Variants in DRC11 observed in about 807,000 individuals in gnomAD.
DRC11 encodes the protein IQ and AAA domain-containing protein 1.
At chr2:236,326,792 TTGTGTGTGTGTGTGTGTGTGTG>T in the DRC11 span, among the ~76,000 whole-genome samples, 290 of 144,082 alleles carry the variant, frequency 2.0e-3, 2 homozygotes, top group African/African-American at 6.5e-3. Flanking sequence ...TTCAGATTTG[TTGTGTGTGTGTGTGTGTGTGTG>T]TGTGTGTGTG....
the DRC11 span, among the ~76,000 whole-genome samples, chr2:236,401,198 C>T: frequency 6.6e-6 from 1 of 152,118 alleles, no homozygotes. The surrounding 1 kb of genome is among the most constrained non-coding windows in gnomAD (Gnocchi z 4.6). Context: ...CTTGCCGCCT[C>T]CTGCCTCTGC....
At chr2:236,439,953 C>A in the DRC11 span, among the ~76,000 whole-genome samples, 5 of 152,168 alleles carry the variant, frequency 3.3e-5, no homozygotes, top group African/African-American at 9.7e-5. Flanking sequence ...GCACTCAATT[C>A]TGTGATTTTA....
the DRC11 span, among the ~76,000 whole-genome samples, chr2:236,338,760 C>T: frequency 6.6e-6 from 1 of 152,214 alleles, no homozygotes; most frequent in Non-Finnish European, 1.5e-5. Context: ...ACAAGACTTC[C>T]TTTGCTGATT....
chr2:236,352,427 G>A, the DRC11 span, among the ~76,000 whole-genome samples: 2 of 152,072 alleles, frequency 1.3e-5, no homozygotes, highest in African/African-American at 4.8e-5. The surrounding 1 kb of genome is among the most constrained non-coding windows in gnomAD (Gnocchi z 7.0). Flanking sequence ...GATGGGCTGG[G>A]AGGAGAAGGG....
At chr2:236,335,323 T>G in the DRC11 span, among the ~76,000 whole-genome samples, 9 of 152,162 alleles carry the variant, frequency 5.9e-5, no homozygotes, top group African/African-American at 2.2e-4. This position sits in a 1 kb window ranked among gnomAD's most constrained non-coding sequence, Gnocchi z 5.6. Context: ...TCAAGGTCAC[T>G]GGAGGAAATG....
At chr2:236,404,174 A>G in the DRC11 span, among the ~76,000 whole-genome samples, 3 of 151,554 alleles carry the variant, frequency 2.0e-5, no homozygotes, top group South Asian at 2.1e-4. Context: ...AAAAAAAAAA[A>G]AAAAAGAAAA....
chr2:236,439,806 T>C, the DRC11 span, among the ~76,000 whole-genome samples: 3 of 152,204 alleles, frequency 2.0e-5, no homozygotes, highest in East Asian at 5.8e-4. Context: ...CCAACAGATT[T>C]AACCTAACAA....
chr2:236,446,148 G>A, the DRC11 span, among the ~76,000 whole-genome samples: 2 of 152,144 alleles, frequency 1.3e-5, no homozygotes, highest in Non-Finnish European at 2.9e-5. The surrounding 1 kb of genome is among the most constrained non-coding windows in gnomAD (Gnocchi z 6.2). Context: ...GCACAAACAG[G>A]AACTCATCCT....
chr2:236,450,755 C>T, the DRC11 span, among the ~76,000 whole-genome samples: 1 of 119,570 alleles, frequency 8.4e-6, no homozygotes, highest in Non-Finnish European at 1.9e-5. Context: ...CTGTCAGCTC[C>T]TGGCTCTCCA....
chr2:236,329,483 C>T, the DRC11 span, among the ~76,000 whole-genome samples: 34 of 152,316 alleles, frequency 2.2e-4, no homozygotes, highest in African/African-American at 8.2e-4. Flanking sequence ...CATATTCTCT[C>T]CATCATGTCT....
At chr2:236,355,498 C>A in the DRC11 span, among the ~76,000 whole-genome samples, 1 of 152,214 alleles carries the variant, frequency 6.6e-6, no homozygotes, top group African/African-American at 2.4e-5. Context: ...TCATGGACGA[C>A]CCACTCAAGA....
At chr2:236,400,843 TTTCTCCTCTCTCTCC>T in the DRC11 span, among the ~76,000 whole-genome samples, 1 of 151,972 alleles carries the variant, frequency 6.6e-6, no homozygotes, top group Non-Finnish European at 1.5e-5. This position sits in a 1 kb window ranked among gnomAD's most constrained non-coding sequence, Gnocchi z 7.9. Context: ...TCCAGAGGTA[TTTCTCCTCTCTCTCC>T]CCATGGCCAA....
the DRC11 span, among the ~76,000 whole-genome samples, chr2:236,398,817 G>A: frequency 1.7e-4 from 26 of 152,124 alleles, no homozygotes. The surrounding 1 kb of genome is among the most constrained non-coding windows in gnomAD (Gnocchi z 6.2). Context: ...TACACATACA[G>A]TATCAATTTT....
At chr2:236,477,985 C>A in the DRC11 span, among the ~76,000 whole-genome samples, 1 of 150,226 alleles carries the variant, frequency 6.7e-6, no homozygotes, top group East Asian at 1.9e-4. Context: ...TTCAAAAACT[C>A]AACTTTTCGT....
At chr2:236,394,797 G>A in the DRC11 span, among the ~76,000 whole-genome samples, 3 of 152,084 alleles carry the variant, frequency 2.0e-5, no homozygotes, top group Non-Finnish European at 2.9e-5. The surrounding 1 kb of genome is among the most constrained non-coding windows in gnomAD (Gnocchi z 7.0). Flanking sequence ...GGTGGTGGGG[G>A]TTCCAGCAGG....
At chr2:236,330,637 G>A in the DRC11 span, among the ~76,000 whole-genome samples, 8 of 152,270 alleles carry the variant, frequency 5.3e-5, no homozygotes, top group South Asian at 2.1e-4. The surrounding 1 kb of genome is among the most constrained non-coding windows in gnomAD (Gnocchi z 5.5). Flanking sequence ...GCCCCTTCTG[G>A]TGACTGCACA....
At chr2:236,488,266 C>T in the DRC11 span, 2 of 1,111,522 alleles carry the variant, frequency 1.8e-6, no homozygotes, top group Non-Finnish European at 2.5e-6. Context: ...ACATCACATG[C>T]TTACTTCAAA....
chr2:236,391,945 G>A, the DRC11 span: 12 of 1,579,192 alleles, frequency 7.6e-6, no homozygotes, highest in Middle Eastern at 1.7e-4. The surrounding 1 kb of genome is among the most constrained non-coding windows in gnomAD (Gnocchi z 4.5). Context: ...CCGCTCCACC[G>A]CACCCCTCTG....
the DRC11 span, among the ~76,000 whole-genome samples, chr2:236,403,854 G>A: frequency 4.0e-5 from 6 of 151,646 alleles, no homozygotes; most frequent in South Asian, 2.1e-4. Context: ...CCCGATCCTC[G>A]CTCGCTGTGC....
Sources: allele counts gnomAD v4.1 joint callset (sites outside exome capture counted in the v4.1 genomes callset), GRCh38; gene constraint gnomAD v4.1.1; non-coding constraint Gnocchi (gnomAD v3.1); transcripts MANE v1.5; gene names NCBI Gene and HGNC (gene_info 2026-07-23, HGNC 2026-07-21).